The following PTPRQ variants were observed in gnomAD, a reference collection of about 807,000 sequenced individuals.
The protein encoded by PTPRQ is protein tyrosine phosphatase receptor type Q, also known as phosphatidylinositol phosphatase PTPRQ.
A neutral mutation model predicts 246.0 loss-of-function variants in PTPRQ; 199 were observed. The ratio of observed to expected loss-of-function variants is 0.81; its 90% CI spans 0.72 to 0.91. The LOEUF (loss-of-function observed/expected upper bound fraction) is 0.91, where lower values mean the gene tolerates loss of function less well. Among genes scored for constraint, PTPRQ ranks in the 40% least tolerant of loss-of-function variants. PTPRQ has a pLI of 0.00. For missense variants in PTPRQ, 2,624 were observed against 2,528.4 expected (o/e 1.04, Z -0.81); for synonymous variants, 869 against 853.2 (o/e 1.02, Z -0.32).
intron 33 of PTPRQ, among the ~76,000 whole-genome samples, chr12:80,630,309 T>C (rs1461813788): frequency 1.3e-5 from 2 of 152,210 alleles, no homozygotes; most frequent in Non-Finnish European, 2.9e-5. Context: ...TCCCATATTT[T>C]GGATCTGTCT....
chr12:80,589,666 AT>A (rs1897727791), intron 26 of PTPRQ, among the ~76,000 whole-genome samples: 1 of 152,192 alleles, frequency 6.6e-6, no homozygotes, highest in Non-Finnish European at 1.5e-5. Context: ...TAAATGTTCA[AT>A]AAATGTTTGT....
chr12:80,541,724 A>C lies in PTPRQ; in HGVS notation c.3324A>C (p.Arg1108Ser). ...GACCACCTCTTGTTACATATGAGAG[A>C]AGCATATATTTTGATAATCTGGAAA... ...HVRPPLVTYERSIYFDNLEKY... is the reference protein window; with the variant it reads ...HVRPPLVTYESSIYFDNLEKY... The change falls in exon 21 of 45, where the codon AGA becomes AGC. Residue 1108 changes from arginine (R) to serine (S), a missense_variant. Transcript: ENST00000644991. The C allele has an allele frequency of 6.4e-7, 1 of 1,551,350 alleles. No individual in the cohort carries two copies. Among genetic ancestry groups the C allele is most frequent in the Non-Finnish European group, 8.7e-7 (1 of 1,146,740 alleles).
intron 3 of PTPRQ, among the ~76,000 whole-genome samples, chr12:80,449,697 A>G (rs919869353): frequency 5.3e-5 from 8 of 151,930 alleles, no homozygotes; most frequent in Non-Finnish European, 1.0e-4. Flanking sequence ...GATATGCGGC[A>G]TGATTTCGGA....
intron 17 of PTPRQ, among the ~76,000 whole-genome samples, chr12:80,514,608 T>TATATATAA: frequency 2.1e-5 from 1 of 47,896 alleles, no homozygotes; most frequent in Non-Finnish European, 4.9e-5. Context: ...AATATATTTG[T>TATATATAA]ATATATATTA....
chr12:80,551,708 G>C (rs1367965304), intron 25 of PTPRQ, among the ~76,000 whole-genome samples: 1 of 151,990 alleles, frequency 6.6e-6, no homozygotes, highest in Non-Finnish European at 1.5e-5. Context: ...TCGCTAATTA[G>C]AATTTGGCTT....
chr12:80,476,837 A>G (rs1395612557), intron 8 of PTPRQ, among the ~76,000 whole-genome samples: 1 of 152,180 alleles, frequency 6.6e-6, no homozygotes, highest in Non-Finnish European at 1.5e-5. Flanking sequence ...TCTCTTTCTT[A>G]AAAGTTTTAG....
chr12:80,454,488 G>A (rs913706258), intron 3 of PTPRQ: 2 of 702,128 alleles, frequency 2.8e-6, no homozygotes, highest in African/African-American at 3.5e-5. Flanking sequence ...GCTCTGGCTA[G>A]GCCTTCCAGT....
chr12:80,516,153 T>C (rs1437777302), intron 17 of PTPRQ, among the ~76,000 whole-genome samples: 1 of 152,226 alleles, frequency 6.6e-6, no homozygotes, highest in African/African-American at 2.4e-5. Context: ...TTAATTCATT[T>C]TGAATTGAGG....
chr12:80,616,778 A>G (rs887488104), intron 30 of PTPRQ, among the ~76,000 whole-genome samples: 4 of 151,154 alleles, frequency 2.6e-5, no homozygotes, highest in African/African-American at 9.7e-5. Flanking sequence ...TATTTTTTAT[A>G]GAAAATATAA....
rs147202139 is a variant in PTPRQ, at chr12:80,523,588, G to C, written c.2679-10427G>C. Among the ~76,000 whole-genome samples the C allele has an allele frequency of 1.4e-3, 219 of 152,302 alleles. 3 individuals carry two copies. In the East Asian group the frequency reaches 0.04, roughly 28 times the overall value. Reference sequence around the variant, plus strand: ...TGTCTTTGTTCTCATTGGTTTCAAAGAACATCTTTATTTCTGCCTTCATTT... The same window carrying C: ...TGTCTTTGTTCTCATTGGTTTCAAACAACATCTTTATTTCTGCCTTCATTT... On this transcript the variant is annotated intron_variant, in intron 17 of 44. Coordinates refer to ENST00000644991, the MANE Select transcript of PTPRQ (RefSeq NM_001145026.2).
At chr12:80,605,240 G>A in intron 27 of PTPRQ, 60 bp downstream of exon 27, 1 of 1,505,544 alleles carries the variant, frequency 6.6e-7, no homozygotes, top group Non-Finnish European at 8.9e-7. Flanking sequence ...TACAAGATTT[G>A]GAACCAGACT....
In PTPRQ at chr12:80,620,283, A is replaced by G; in HGVS notation, c.5519A>G (p.Glu1840Gly). ...AAGACAAAGTTTAGTGGCAATGAAG[A>G]AATCTACATCATAGGTGCTGATAAT... ...EGKTKFSGNEEIYIIGADNAC... is the reference protein window; with the variant it reads ...EGKTKFSGNEGIYIIGADNAC... The change falls in exon 32 of 45, where the codon GAA becomes GGA. Residue 1840 changes from glutamate to glycine, a missense_variant. Coordinates refer to ENST00000644991, the MANE Select transcript of PTPRQ (RefSeq NM_001145026.2). The G allele has an allele frequency of 6.5e-7, 1 of 1,549,650 alleles. No individual in the cohort carries two copies. Among genetic ancestry groups the G allele is most frequent in the Non-Finnish European group, 8.7e-7 (1 of 1,145,604 alleles).
At chr12:80,672,958 A>G (rs1186568405) in intron 42 of PTPRQ, among the ~76,000 whole-genome samples, 1 of 152,134 alleles carries the variant, frequency 6.6e-6, no homozygotes, top group Non-Finnish European at 1.5e-5. Flanking sequence ...AAACTCAAAT[A>G]TTTGATAGCA....
chr12:80,658,730 T>A (rs1414888039), intron 39 of PTPRQ, among the ~76,000 whole-genome samples: 1 of 152,028 alleles, frequency 6.6e-6, no homozygotes, highest in Admixed American at 6.6e-5. Context: ...CTCTTTATAT[T>A]CTTACCCACT....
chr12:80,583,148 C>G (rs1054915336), intron 25 of PTPRQ, among the ~76,000 whole-genome samples: 1 of 152,134 alleles, frequency 6.6e-6, no homozygotes, highest in African/African-American at 2.4e-5. Flanking sequence ...ATTAAATTAT[C>G]CTTCACCAGG....
chr12:80,596,786 A>G (rs1316304615), intron 26 of PTPRQ, among the ~76,000 whole-genome samples: 1 of 152,044 alleles, frequency 6.6e-6, no homozygotes, highest in Non-Finnish European at 1.5e-5. Context: ...TGAAAATTCC[A>G]AACTATAGAA....
Position 80,534,170 on chromosome 12 carries a change from A to G in PTPRQ, c.2834A>G (p.Glu945Gly). ...RSNIISFQTP[E>G]GAPSDPPKDV... ...AATATCATTAGCTTTCAAACACCAGAGGGAGGTGAGTTAAGGATGTATGCC... is the reference window on the plus strand; with the variant it reads ...AATATCATTAGCTTTCAAACACCAGGGGGAGGTGAGTTAAGGATGTATGCC... The change falls in exon 18 of 45, where the codon GAG becomes GGG. Residue 945 changes from glutamate (E) to glycine (G), a missense_variant. By Grantham distance (98) the Glu-to-Gly change is moderately conservative. Coordinates refer to ENST00000644991, the MANE Select transcript of PTPRQ (RefSeq NM_001145026.2). 6.5e-7 allele frequency: 1 copy of G among 1,530,268 alleles called. No individual in the cohort carries two copies. The highest frequency in any genetic ancestry group is 1.4e-5 in the African/African-American group (1 of 72,076). The allele number at this position is 1,530,268 out of a possible 1,614,324, so 94.8% of individuals were successfully genotyped here. A position where few individuals can be genotyped will look rare whatever the true frequency, so the allele number is the denominator to read the frequency against.
intron 25 of PTPRQ, among the ~76,000 whole-genome samples, chr12:80,564,784 A>T (rs1565789325): frequency 6.6e-6 from 1 of 152,270 alleles, no homozygotes; most frequent in Admixed American, 6.5e-5. Context: ...TTTCTACTAT[A>T]TTGTCTCCCC....
At chr12:80,654,889 TATATC>T (rs1274054696) in intron 38 of PTPRQ, among the ~76,000 whole-genome samples, 1 of 151,570 alleles carries the variant, frequency 6.6e-6, no homozygotes, top group African/African-American at 2.4e-5. Context: ...TAATTTATAA[TATATC>T]AGTATATATA....
Sources: gnomAD v4.1 joint callset for allele counts (sites outside exome capture counted in the v4.1 genomes callset) on GRCh38, gnomAD v4.1.1 for gene constraint, MANE v1.5 for transcripts, NCBI Gene and HGNC (gene_info 2026-07-23, HGNC 2026-07-21) for gene names.